Variants in NR6A1 observed in about 807,000 individuals in gnomAD.
NR6A1 encodes retinoic acid receptor-related testis-associated receptor.
Under a neutral mutation model 59.1 loss-of-function variants are expected in NR6A1, and 7 were observed. The observed-to-expected ratio is 0.12, with a 90% CI of 0.07 to 0.22. NR6A1 has a LOEUF of 0.22. NR6A1 is among the 10% of genes least tolerant of loss of function. NR6A1 has a pLI of 1.00. For synonymous variants in NR6A1, 243 were observed against 236.1 expected, an observed-to-expected ratio of 1.03 and a Z score of -0.27; for missense variants, 468 against 611.6, an observed-to-expected ratio of 0.77 and a Z score of 2.48.
chr9:124,733,563 G>GT (rs1839942602), intron 1 of NR6A1, among the ~76,000 whole-genome samples: 2 of 152,246 alleles, frequency 1.3e-5, no homozygotes, highest in East Asian at 3.9e-4. Context: ...CCACAGAATT[G>GT]TAATGAGGAT....
intron 7 of NR6A1, among the ~76,000 whole-genome samples, chr9:124,530,433 C>T (rs1293868072): frequency 6.6e-6 from 1 of 152,250 alleles, no homozygotes; most frequent in Non-Finnish European, 1.5e-5. Flanking sequence ...CATCTGCCCA[C>T]TCCAGTTTTA....
At chr9:124,680,553 T>C (rs1838118084) in intron 2 of NR6A1, among the ~76,000 whole-genome samples, 1 of 152,160 alleles carries the variant, frequency 6.6e-6, no homozygotes. Flanking sequence ...CATTGATAGA[T>C]CAACCTTTAT....
rs758636869 is a variant in NR6A1, at chr9:124,692,581, G to C, written c.142+40727C>G. 6.5e-6 allele frequency: 3 copies of C among 460,662 alleles called. No homozygotes were observed. The East Asian group carries it at 1.9e-4, about 29-fold the overall frequency. The allele number at this position is 460,662 out of a possible 1,614,324, so 28.5% of individuals were successfully genotyped here. A position where few individuals can be genotyped will look rare whatever the true frequency, so the allele number is the denominator to read the frequency against. On this transcript the variant is annotated intron_variant, in intron 2 of 9. Coordinates refer to ENST00000487099, the MANE Select transcript of NR6A1 (RefSeq NM_033334.4). ...CGACACTACATTTCCTGAAGCAAAA[G>C]AGCAAGCTGTACCTTCACATGTCAC...
At chr9:124,606,571 C>T (rs945525690) in intron 2 of NR6A1, among the ~76,000 whole-genome samples, 2 of 152,150 alleles carry the variant, frequency 1.3e-5, no homozygotes, top group African/African-American at 4.8e-5. Context: ...TATCAAATAG[C>T]AACTATACAA....
intron 2 of NR6A1, among the ~76,000 whole-genome samples, chr9:124,583,358 T>C (rs1834828297): frequency 6.6e-6 from 1 of 152,336 alleles, no homozygotes; most frequent in Non-Finnish European, 1.5e-5. Context: ...CCCTCTGTAG[T>C]ACCTGGCAAT....
chr9:124,547,935 T>C (rs775761696), intron 3 of NR6A1, among the ~76,000 whole-genome samples: 4 of 151,944 alleles, frequency 2.6e-5, no homozygotes, highest in African/African-American at 4.8e-5. Flanking sequence ...CTGGCAAAAA[T>C]TGAATAAGAT....
At chr9:124,763,003 C>T (rs557650934) in intron 1 of NR6A1, among the ~76,000 whole-genome samples, 3 of 152,280 alleles carry the variant, frequency 2.0e-5, no homozygotes, top group South Asian at 2.1e-4. Flanking sequence ...AAATAGTCTG[C>T]CAAATGCCCA....
At chr9:124,641,372 A>G (rs113606953) in intron 2 of NR6A1, among the ~76,000 whole-genome samples, 5,568 of 151,744 alleles carry the variant, frequency 0.037, 295 homozygotes, top group African/African-American at 0.11. Flanking sequence ...AAAAAAAAAA[A>G]AAGAAAAGAA....
chr9:124,751,097 A>T (rs2131172956), intron 1 of NR6A1, among the ~76,000 whole-genome samples: 1 of 152,092 alleles, frequency 6.6e-6, no homozygotes, highest in South Asian at 2.1e-4. Flanking sequence ...AAATAATGTT[A>T]CTCTCCTTAT....
At chr9:124,543,423 A>G (rs1833505678) in intron 4 of NR6A1, among the ~76,000 whole-genome samples, 1 of 152,220 alleles carries the variant, frequency 6.6e-6, no homozygotes, top group Non-Finnish European at 1.5e-5. Context: ...CAATAAGACA[A>G]TAATATTCTG....
At chr9:124,541,008 G>A (rs1280772411) in intron 4 of NR6A1, among the ~76,000 whole-genome samples, 2 of 151,252 alleles carry the variant, frequency 1.3e-5, no homozygotes. Context: ...TTAAATGTAA[G>A]ACCTAAAACT....
intron 2 of NR6A1, among the ~76,000 whole-genome samples, chr9:124,644,411 C>T (rs755108503): frequency 3.3e-5 from 5 of 151,344 alleles, no homozygotes; most frequent in East Asian, 2.0e-4. Context: ...GCCACTACCC[C>T]GGCTAACTTT....
intron 2 of NR6A1, among the ~76,000 whole-genome samples, chr9:124,665,667 A>AT (rs1396637717): frequency 5.9e-5 from 9 of 152,268 alleles, no homozygotes; most frequent in African/African-American, 2.2e-4. Context: ...AGCAGTTACC[A>AT]TTTCCTTTAA....
At chr9:124,641,307 C>T (rs143673466) in intron 2 of NR6A1, among the ~76,000 whole-genome samples, 4 of 146,024 alleles carry the variant, frequency 2.7e-5, no homozygotes, top group Non-Finnish European at 5.9e-5. Context: ...TGCCGTGAGC[C>T]GAGATCACCC....
At chr9:124,699,790 A>G (rs1838877749) in intron 2 of NR6A1, among the ~76,000 whole-genome samples, 1 of 152,074 alleles carries the variant, frequency 6.6e-6, no homozygotes, top group Non-Finnish European at 1.5e-5. Flanking sequence ...TTCCACTCCC[A>G]ACTTAGCCCC....
At chr9:124,684,085 C>G (rs1838253731) in intron 2 of NR6A1, among the ~76,000 whole-genome samples, 1 of 152,016 alleles carries the variant, frequency 6.6e-6, no homozygotes, top group African/African-American at 2.4e-5. Context: ...TATCGCCATA[C>G]AAATTTAGTT....
At chr9:124,680,086 ATGTATG>A (rs904562445) in intron 2 of NR6A1, among the ~76,000 whole-genome samples, 14 of 137,674 alleles carry the variant, frequency 1.0e-4, no homozygotes, top group Middle Eastern at 3.5e-3. Context: ...GTCTGTGTGT[ATGTATG>A]TGTGTGTGTG....
intron 6 of NR6A1, 46 bp downstream of exon 6, chr9:124,538,046 G>A (rs772333480): frequency 6.6e-7 from 1 of 1,517,768 alleles, no homozygotes; most frequent in Non-Finnish European, 9.0e-7. Flanking sequence ...GTGGGGTAGG[G>A]ACACTTTGAG....
chr9:124,676,190 T>A (rs1183319898), intron 2 of NR6A1, among the ~76,000 whole-genome samples: 1 of 152,118 alleles, frequency 6.6e-6, no homozygotes, highest in Non-Finnish European at 1.5e-5. Context: ...AACGGCAAAT[T>A]TATCAAACAA....
Sources: allele counts gnomAD v4.1 joint callset (sites outside exome capture counted in the v4.1 genomes callset), GRCh38; gene constraint gnomAD v4.1.1; transcripts MANE v1.5; gene names NCBI Gene and HGNC (gene_info 2026-07-23, HGNC 2026-07-21).